The following OR9Q1 variants were observed in gnomAD, a reference collection of about 807,000 sequenced individuals.
OR9Q1 encodes olfactory receptor 9Q1.
For synonymous variants in OR9Q1, 153 were observed against 148.6 expected (o/e 1.03, Z -0.22); for missense variants, 374 against 378.8 (o/e 0.99, Z 0.11).
At chr11:58,070,658 C>G (rs1406633644) in intron 2 of OR9Q1, among the ~76,000 whole-genome samples, 1 of 152,202 alleles carries the variant, frequency 6.6e-6, no homozygotes, top group South Asian at 2.1e-4. Flanking sequence ...CCTTGAACCA[C>G]TCAACACAGA....
In OR9Q1 at chr11:58,179,433, A is replaced by T; in HGVS notation, c.-12A>T. ...GCTTCCCATTCTACATGTCTCAGGG[A>T]CCACTGGTGTCATGGCAGAGATGAA... On this transcript the variant is annotated splice_region_variant and 5_prime_UTR_variant, in exon 3 of 3. Transcript: ENST00000335397. 1 of 1,533,082 alleles carries T rather than the reference A, an allele frequency of 6.5e-7. No individual in the cohort carries two copies. The highest frequency in any genetic ancestry group is 8.8e-7 in the Non-Finnish European group (1 of 1,136,158). The allele number at this position is 1,533,082 out of a possible 1,614,324, so 95.0% of individuals were successfully genotyped here. A position where few individuals can be genotyped will look rare whatever the true frequency, so the allele number is the denominator to read the frequency against.
At chr11:58,160,252 G>A (rs1197308990) in intron 2 of OR9Q1, among the ~76,000 whole-genome samples, 2 of 152,140 alleles carry the variant, frequency 1.3e-5, no homozygotes, top group Non-Finnish European at 2.9e-5. Flanking sequence ...GCCTTGACAT[G>A]TCCTAACTGA....
intron 1 of OR9Q1, among the ~76,000 whole-genome samples, chr11:58,048,138 T>C (rs1260020482): frequency 6.6e-6 from 1 of 152,156 alleles, no homozygotes; most frequent in Non-Finnish European, 1.5e-5. Flanking sequence ...CTATCCAGTT[T>C]TTTACAATCC....
chr11:58,028,328 G>A (rs1386032187), intron 1 of OR9Q1, among the ~76,000 whole-genome samples: 1 of 152,176 alleles, frequency 6.6e-6, no homozygotes, highest in Non-Finnish European at 1.5e-5. Context: ...AATGAGATAA[G>A]GAAAAAGCCT....
At chr11:58,056,719 C>T (rs1350677920) in intron 2 of OR9Q1, among the ~76,000 whole-genome samples, 1 of 152,040 alleles carries the variant, frequency 6.6e-6, no homozygotes, top group Non-Finnish European at 1.5e-5. Context: ...ATTTTTGACC[C>T]CTTATCTAGT....
chr11:58,181,413 G>T lies in OR9Q1; in HGVS notation c.*1036G>T, dbSNP rs964459251. On this transcript the variant is annotated 3_prime_UTR_variant, in exon 3 of 3. Transcript: ENST00000335397. ...ATCCAAAGCCTCACAAAATCTGTCTGTTCTTAATCTTTACTTCTCTAATCA... is the reference window on the plus strand; with the variant it reads ...ATCCAAAGCCTCACAAAATCTGTCTTTTCTTAATCTTTACTTCTCTAATCA... 6.0e-5 allele frequency: 10 copies of T among 167,102 alleles called. No homozygotes were observed. Among genetic ancestry groups the T allele is most frequent in the African/African-American group, 2.2e-4 (9 of 41,510 alleles). 10.4% of individuals were successfully genotyped at this position (167,102 alleles called of 1,614,324 possible).
intron 1 of OR9Q1, among the ~76,000 whole-genome samples, chr11:58,036,362 A>T (rs540548072): frequency 6.6e-6 from 1 of 152,358 alleles, no homozygotes; most frequent in African/African-American, 2.4e-5. Flanking sequence ...TGATGACACG[A>T]GAGTTCTGAT....
At chr11:58,068,165 C>G (rs896294965) in intron 2 of OR9Q1, among the ~76,000 whole-genome samples, 6 of 119,524 alleles carry the variant, frequency 5.0e-5, no homozygotes, top group African/African-American at 1.6e-4. Context: ...ATGTTAAACC[C>G]TGTCTCTACA....
At chr11:58,045,555 G>T (rs570498105) in intron 1 of OR9Q1, among the ~76,000 whole-genome samples, 1 of 152,086 alleles carries the variant, frequency 6.6e-6, no homozygotes, top group Non-Finnish European at 1.5e-5. Flanking sequence ...TGCTTTGAAG[G>T]TGGTGTTGGG....
chr11:58,112,292 C>CAAAAAAAAAA (rs761960271), intron 2 of OR9Q1, among the ~76,000 whole-genome samples: 15 of 111,706 alleles, frequency 1.3e-4, no homozygotes, highest in African/African-American at 4.1e-4. Flanking sequence ...GACTTCGTCT[C>CAAAAAAAAAA]AAAGAAAAAA....
chr11:58,135,366 C>T (rs1232053129), intron 2 of OR9Q1, among the ~76,000 whole-genome samples: 1 of 152,142 alleles, frequency 6.6e-6, no homozygotes, highest in African/African-American at 2.4e-5. Flanking sequence ...TACTTATCTA[C>T]CTGAACACAG....
chr11:58,121,706 A>G (rs1854034328), intron 2 of OR9Q1, among the ~76,000 whole-genome samples: 1 of 152,202 alleles, frequency 6.6e-6, no homozygotes, highest in African/African-American at 2.4e-5. Flanking sequence ...TAGAAATTAG[A>G]TTGTTAAGAA....
At chr11:58,086,212 T>C (rs1401925538) in intron 2 of OR9Q1, among the ~76,000 whole-genome samples, 1 of 151,754 alleles carries the variant, frequency 6.6e-6, no homozygotes, top group African/African-American at 2.4e-5. Flanking sequence ...GACCGAAATA[T>C]ACATTTCTCA....
At chr11:58,170,317 C>T (rs1401475698) in intron 2 of OR9Q1, among the ~76,000 whole-genome samples, 1 of 146,546 alleles carries the variant, frequency 6.8e-6, no homozygotes, top group Non-Finnish European at 1.5e-5. Flanking sequence ...CCTCTCCAGC[C>T]TACACATAAC....
intron 1 of OR9Q1, among the ~76,000 whole-genome samples, chr11:58,037,987 T>TC (rs987868397): frequency 6.8e-6 from 1 of 146,472 alleles, no homozygotes; most frequent in Admixed American, 6.9e-5. Flanking sequence ...TGCCTCGGCC[T>TC]CCCAAAGTGC....
chr11:58,124,474 T>A (rs1028109833), intron 2 of OR9Q1: 5 of 152,178 alleles, frequency 3.3e-5, no homozygotes, highest in African/African-American at 1.2e-4. Context: ...TTCTTCATTT[T>A]CCTCCAAAGA....
At chr11:58,125,620 G>A (rs1006560681) in intron 2 of OR9Q1, 17 of 152,112 alleles carry the variant, frequency 1.1e-4, no homozygotes, top group African/African-American at 4.1e-4. Flanking sequence ...TTTATGGGAG[G>A]GATGCAGTGA....
At chr11:58,168,347 C>G (rs1854524654) in intron 2 of OR9Q1, among the ~76,000 whole-genome samples, 1 of 152,202 alleles carries the variant, frequency 6.6e-6, no homozygotes, top group Non-Finnish European at 1.5e-5. Flanking sequence ...GAATAACCAA[C>G]AGTTTATTTG....
intron 2 of OR9Q1, among the ~76,000 whole-genome samples, chr11:58,141,461 C>G (rs561924221): frequency 2.0e-5 from 3 of 152,286 alleles, no homozygotes; most frequent in African/African-American, 7.2e-5. Context: ...GCCTTTTCTG[C>G]ATCTATTGAG....
Sources: gnomAD v4.1 joint callset for allele counts (sites outside exome capture counted in the v4.1 genomes callset) on GRCh38, gnomAD v4.1.1 for gene constraint, MANE v1.5 for transcripts, NCBI Gene and HGNC (gene_info 2026-07-23, HGNC 2026-07-21) for gene names.